GRIK4: variants seen among roughly 807,000 people sequenced by gnomAD.
GRIK4 encodes the protein glutamate ionotropic receptor kainate type subunit 4, also known as glutamate receptor ionotropic, kainate 4.
GRIK4 carries 40 observed loss-of-function variants against 104.9 expected under a neutral mutation model. The ratio of observed to expected loss-of-function variants is 0.38; its 90% confidence interval spans 0.30 to 0.50. The LOEUF (loss-of-function observed/expected upper bound fraction) is 0.50. GRIK4 is among the 20% of genes least tolerant of loss of function. GRIK4 has a pLI of 0.93. For synonymous variants in GRIK4, 485 were observed against 524.9 expected, an observed-to-expected ratio of 0.92 and a Z score of 1.04; for missense variants, 1,047 against 1,308.1, an observed-to-expected ratio of 0.80 and a Z score of 3.08.
intron 8 of GRIK4, among the ~76,000 whole-genome samples, chr11:120,857,680 A>G: frequency 6.6e-6 from 1 of 152,216 alleles, no homozygotes; most frequent in Middle Eastern, 3.2e-3. Flanking sequence ...GAGGTGTGAC[A>G]GGGTGTGCTT....
At chr11:120,938,994 G>A (rs1943659323) in intron 13 of GRIK4, among the ~76,000 whole-genome samples, 1 of 152,168 alleles carries the variant, frequency 6.6e-6, no homozygotes, top group Non-Finnish European at 1.5e-5. Flanking sequence ...ATAGAGGATT[G>A]CTGGGAAGGA....
intron 16 of GRIK4, among the ~76,000 whole-genome samples, chr11:120,958,356 T>C (rs1350190514): frequency 1.3e-5 from 2 of 152,226 alleles, no homozygotes; most frequent in Non-Finnish European, 2.9e-5. Flanking sequence ...CAGAGCTGTG[T>C]GAGAAGGGGC....
intron 8 of GRIK4, among the ~76,000 whole-genome samples, chr11:120,842,474 T>C (rs7948126): frequency 0.05 from 7,542 of 152,170 alleles, 618 homozygotes; most frequent in African/African-American, 0.17. Context: ...GAAGAGGAAA[T>C]GAGTTTAATG....
chr11:120,528,443 T>G (rs916255916), intron 1 of GRIK4, among the ~76,000 whole-genome samples: 4 of 152,140 alleles, frequency 2.6e-5, no homozygotes, highest in African/African-American at 9.7e-5. Flanking sequence ...CTGTCTGAAA[T>G]ATGTTGGTCC....
intron 13 of GRIK4, among the ~76,000 whole-genome samples, chr11:120,919,791 C>T (rs1200447310): frequency 6.6e-6 from 1 of 151,892 alleles, no homozygotes; most frequent in African/African-American, 2.4e-5. Context: ...AGGGATGGGG[C>T]CTGGTTATTG....
chr11:120,850,647 A>G (rs1024838524), intron 8 of GRIK4, among the ~76,000 whole-genome samples: 1 of 152,162 alleles, frequency 6.6e-6, no homozygotes, highest in Non-Finnish European at 1.5e-5. Flanking sequence ...CAAAGGGGGA[A>G]ACCAAGGCCT....
chr11:120,960,355 G>A (rs1944262449), intron 16 of GRIK4, among the ~76,000 whole-genome samples: 1 of 152,170 alleles, frequency 6.6e-6, no homozygotes, highest in South Asian at 2.1e-4. Flanking sequence ...GTATCACTGT[G>A]TTACTTGGCA....
chr11:120,682,550 T>C lies in GRIK4; in HGVS notation c.82+22150T>C, dbSNP rs569396822. 5.9e-5 allele frequency among the ~76,000 whole-genome samples: 9 copies of C among 151,922 alleles called. No individual in the cohort carries two copies. In the South Asian group the frequency reaches 1.7e-3, roughly 28 times the overall value. On this transcript the variant is annotated intron_variant, in intron 3 of 20. Transcript: ENST00000527524. Reference sequence around the variant, plus strand: ...GCTTCCTGATTTAGGGCCGTATCCATGCATGCTCTTGTCTCTGTCTAGACC... The same window carrying C: ...GCTTCCTGATTTAGGGCCGTATCCACGCATGCTCTTGTCTCTGTCTAGACC...
chr11:120,943,655 A>G (rs1224024809), intron 14 of GRIK4, among the ~76,000 whole-genome samples: 2 of 152,218 alleles, frequency 1.3e-5, no homozygotes, highest in Non-Finnish European at 2.9e-5. Flanking sequence ...GAGCAAAAAT[A>G]TGGGTAATTT....
chr11:120,880,549 A>C (rs969451064), intron 11 of GRIK4, among the ~76,000 whole-genome samples: 20 of 152,200 alleles, frequency 1.3e-4, no homozygotes, highest in Non-Finnish European at 2.6e-4. Flanking sequence ...AGGTCTTTCC[A>C]CTATGCAGAG....
intron 4 of GRIK4, among the ~76,000 whole-genome samples, chr11:120,813,893 T>C (rs1952879129): frequency 6.6e-6 from 1 of 152,180 alleles, no homozygotes; most frequent in Non-Finnish European, 1.5e-5. Context: ...GGAACCTCGA[T>C]TGCATTTTCT....
intron 5 of GRIK4, among the ~76,000 whole-genome samples, chr11:120,817,935 C>T (rs1387504194): frequency 3.3e-5 from 5 of 152,246 alleles, no homozygotes; most frequent in Non-Finnish European, 7.3e-5. Flanking sequence ...ATATACCCTA[C>T]ACACAGGTTC....
intron 3 of GRIK4, among the ~76,000 whole-genome samples, chr11:120,668,159 A>T (rs188287346): frequency 1.3e-5 from 2 of 151,804 alleles, no homozygotes; most frequent in Admixed American, 1.3e-4. Flanking sequence ...AAGTAGGTAG[A>T]TAAGTACATA....
chr11:120,888,491 G>A (rs1955183025), intron 11 of GRIK4, among the ~76,000 whole-genome samples: 1 of 152,160 alleles, frequency 6.6e-6, no homozygotes, highest in South Asian at 2.1e-4. Context: ...GTCTTAGCTT[G>A]TATAATTTTC....
intron 3 of GRIK4, among the ~76,000 whole-genome samples, chr11:120,755,817 GCCTTCTGCTGCT>G (rs377121815): frequency 9.4e-4 from 143 of 152,270 alleles, no homozygotes; most frequent in African/African-American, 3.3e-3. Context: ...TGGGGTGGAT[GCCTTCTGCTGCT>G]CCTGGAAGAG....
chr11:120,627,049 G>C (rs1417917910), intron 1 of GRIK4, among the ~76,000 whole-genome samples: 1 of 152,170 alleles, frequency 6.6e-6, no homozygotes, highest in Non-Finnish European at 1.5e-5. Flanking sequence ...GGCGGGCCTG[G>C]CCCTGTTTGT....
intron 3 of GRIK4, among the ~76,000 whole-genome samples, chr11:120,793,029 T>C (rs1952431659): frequency 6.6e-6 from 1 of 151,870 alleles, no homozygotes. Flanking sequence ...GCCAAGGAGG[T>C]TGATTAAATG....
chr11:120,855,238 A>G (rs993769464), intron 8 of GRIK4, among the ~76,000 whole-genome samples: 2 of 152,166 alleles, frequency 1.3e-5, no homozygotes, highest in African/African-American at 2.4e-5. Context: ...TGTTTCTCTG[A>G]GCCATCTTAG....
chr11:120,618,647 G>T (rs1192637690), intron 1 of GRIK4, among the ~76,000 whole-genome samples: 2 of 152,220 alleles, frequency 1.3e-5, no homozygotes, highest in Admixed American at 6.5e-5. Context: ...CACAGCATCA[G>T]GACACTGTTC....
Sources: allele counts gnomAD v4.1 joint callset (sites outside exome capture counted in the v4.1 genomes callset), GRCh38; gene constraint gnomAD v4.1.1; transcripts MANE v1.5; gene names NCBI Gene and HGNC (gene_info 2026-07-23, HGNC 2026-07-21).